ITPR2: variants seen among roughly 807,000 people sequenced by gnomAD.
ITPR2 encodes the protein inositol 1,4,5-trisphosphate-gated calcium channel ITPR2.
ITPR2 carries 207 observed loss-of-function variants against 317.1 expected under a neutral mutation model. The observed-to-expected ratio is 0.65, with a 90% CI of 0.58 to 0.73. The LOEUF (loss-of-function observed/expected upper bound fraction) is 0.73. ITPR2 is among the 30% of genes least tolerant of loss of function. ITPR2 has a pLI of 0.00. For missense variants in ITPR2, 2,613 were observed against 3,284.0 expected (o/e 0.80, Z 4.99); for synonymous variants, 1,156 against 1,149.1 (o/e 1.01, Z -0.12).
chr12:26,702,830 G>T (rs1267160239), intron 9 of ITPR2, among the ~76,000 whole-genome samples: 1 of 152,054 alleles, frequency 6.6e-6, no homozygotes, highest in Non-Finnish European at 1.5e-5. Context: ...TTACTATCTT[G>T]CAGGATAAAA....
At chr12:26,582,993 A>G (rs761022671) in intron 32 of ITPR2, among the ~76,000 whole-genome samples, 1 of 151,702 alleles carries the variant, frequency 6.6e-6, no homozygotes, top group Non-Finnish European at 1.5e-5. Context: ...TACAGCTGCT[A>G]CTGAAGCCCT....
intron 15 of ITPR2, among the ~76,000 whole-genome samples, chr12:26,661,275 T>TGTG (rs1947492559): frequency 2.2e-4 from 2 of 8,968 alleles, no homozygotes; most frequent in African/African-American, 8.6e-4. Context: ...GGTGTGTGTG[T>TGTG]GGGGGGGGGG....
intron 1 of ITPR2, among the ~76,000 whole-genome samples, chr12:26,821,452 T>C (rs1308507842): frequency 1.3e-5 from 2 of 152,324 alleles, no homozygotes; most frequent in South Asian, 2.1e-4. Context: ...GTCATGTAAA[T>C]GATGGGACCC....
chr12:26,775,767 G>C (rs1459954053), intron 2 of ITPR2, among the ~76,000 whole-genome samples: 1 of 151,686 alleles, frequency 6.6e-6, no homozygotes, highest in East Asian at 1.9e-4. Context: ...TAGCCTTCCA[G>C]CTTACATCTT....
intron 1 of ITPR2, among the ~76,000 whole-genome samples, chr12:26,802,552 T>C (rs28551657): frequency 6.8e-6 from 1 of 146,076 alleles, no homozygotes; most frequent in South Asian, 2.3e-4. Context: ...AGGAGATATA[T>C]ATATATCTAT....
chr12:26,699,302 TA>T (rs535216891), intron 9 of ITPR2, among the ~76,000 whole-genome samples: 22 of 152,298 alleles, frequency 1.4e-4, no homozygotes, highest in African/African-American at 5.3e-4. Flanking sequence ...AATCAGTCTT[TA>T]CGTATTTCCC....
intron 32 of ITPR2, among the ~76,000 whole-genome samples, chr12:26,584,950 C>A (rs1945487431): frequency 6.6e-6 from 1 of 152,160 alleles, no homozygotes; most frequent in Non-Finnish European, 1.5e-5. Context: ...GAGGCCAAAA[C>A]TTTTGCAAGC....
chr12:26,350,102 C>T lies in ITPR2; in HGVS notation c.7858-9774G>A, dbSNP rs975417989. Among the ~76,000 whole-genome samples the T allele has an allele frequency of 3.9e-5, 6 of 152,230 alleles. No homozygotes were observed. In the South Asian group the frequency reaches 6.2e-4, roughly 16 times the overall value. Reference sequence around the variant, plus strand: ...CACTACCATGTTATGGATGGTCCTGCGGGCTCTAAGCTTCTGTAGGTGTGA... The same window carrying T: ...CACTACCATGTTATGGATGGTCCTGTGGGCTCTAAGCTTCTGTAGGTGTGA... On this transcript the variant is annotated intron_variant, in intron 55 of 56. Transcript: ENST00000381340.
Position 26,486,097 on chromosome 12 carries a change from CAA to C in ITPR2, c.5811+5_5811+6del. 3.7e-6 allele frequency: 6 copies of C among 1,614,002 alleles called. No individual in the cohort carries two copies. The highest frequency in any genetic ancestry group is 5.1e-6 in the Non-Finnish European group (6 of 1,179,894). Reference sequence around the variant, plus strand: ...TTCTCAGCTTTCACACAAAACAGAACAAATACCTGCAATTCCCGGTTGTGATT... The same window carrying C: ...TTCTCAGCTTTCACACAAAACAGAACATACCTGCAATTCCCGGTTGTGATT... On this transcript the variant is annotated splice_donor_5th_base_variant and intron_variant, in intron 41 of 56. Coordinates refer to ENST00000381340, the MANE Select transcript of ITPR2 (RefSeq NM_002223.4).
chr12:26,396,603 C>T (rs1252953932), intron 54 of ITPR2, among the ~76,000 whole-genome samples: 1 of 152,092 alleles, frequency 6.6e-6, no homozygotes, highest in Non-Finnish European at 1.5e-5. Context: ...AGTCTCTCTG[C>T]TTCTCTTCTC....
intron 36 of ITPR2, among the ~76,000 whole-genome samples, chr12:26,555,635 A>G (rs984196214): frequency 6.6e-6 from 1 of 152,220 alleles, no homozygotes; most frequent in Non-Finnish European, 1.5e-5. Context: ...GATCTGCAAT[A>G]CCACAAACGC....
intron 55 of ITPR2, among the ~76,000 whole-genome samples, chr12:26,370,855 A>T (rs1939167929): frequency 1.3e-5 from 2 of 152,018 alleles, no homozygotes. Context: ...TTGTGTTTTT[A>T]GTAGAGACAG....
At chr12:26,499,558 T>C (rs1256399631) in intron 37 of ITPR2, among the ~76,000 whole-genome samples, 1 of 152,202 alleles carries the variant, frequency 6.6e-6, no homozygotes, top group Non-Finnish European at 1.5e-5. Context: ...TAAAATTTAC[T>C]GAAAGTACTT....
chr12:26,782,512 C>A (rs562911834), intron 2 of ITPR2, among the ~76,000 whole-genome samples: 5 of 152,018 alleles, frequency 3.3e-5, no homozygotes, highest in African/African-American at 1.2e-4. Flanking sequence ...TGGCTTTATA[C>A]GACTAACAGG....
At chr12:26,721,013 T>C (rs1444213873) in intron 5 of ITPR2, among the ~76,000 whole-genome samples, 2 of 152,176 alleles carry the variant, frequency 1.3e-5, no homozygotes, top group Non-Finnish European at 1.5e-5. Flanking sequence ...TAGACAGGGA[T>C]ACTATTCAGT....
chr12:26,591,908 A>G (rs1238241981), intron 32 of ITPR2, among the ~76,000 whole-genome samples: 3 of 152,054 alleles, frequency 2.0e-5, no homozygotes, highest in African/African-American at 7.2e-5. Flanking sequence ...ATATATTCCC[A>G]CAAGAAAGGA....
chr12:26,589,851 TATACACACACACACAC>T (rs1945652590), intron 32 of ITPR2, among the ~76,000 whole-genome samples: 1 of 49,304 alleles, frequency 2.0e-5, no homozygotes, highest in African/African-American at 7.0e-5. Context: ...TATATATATA[TATACACACACACACAC>T]ACACACACAC....
rs1942689546 is a variant in ITPR2, at chr12:26,487,125, C to T, written c.5497G>A (p.Gly1833Ser). The T allele has an allele frequency of 1.2e-6, 2 of 1,612,776 alleles. No individual in the cohort carries two copies. The highest frequency in any genetic ancestry group is 2.2e-5 in the East Asian group (1 of 44,848). The stretch of plus-strand genomic sequence containing the variant: ...TTGTCATCGTCCCTTTTTTTGTTAC[C>T]TAAATCTATGGTATTAACTGTCACT... Reference protein sequence around the residue: ...STVTVNTIDLGNKKRDDDNEL... With the variant: ...STVTVNTIDLSNKKRDDDNEL... The change falls in exon 40 of 57, where the codon GGT (glycine) becomes AGT (serine). Residue 1833 changes from glycine to serine, a missense_variant. By Grantham distance (56) the Gly-to-Ser change is moderately conservative. Transcript: ENST00000381340.
chr12:26,715,868 C>CT, intron 6 of ITPR2, 33 bp from the exon 7 acceptor site: 1 of 1,372,580 alleles, frequency 7.3e-7, no homozygotes, highest in Non-Finnish European at 1.0e-6. Context: ...AGTTATAAGA[C>CT]TACAGATTCC....
Sources: allele counts gnomAD v4.1 joint callset (sites outside exome capture counted in the v4.1 genomes callset), GRCh38; gene constraint gnomAD v4.1.1; transcripts MANE v1.5; gene names NCBI Gene and HGNC (gene_info 2026-07-23, HGNC 2026-07-21).